Variants in TTC23 observed in about 807,000 individuals in gnomAD.
TTC23 encodes the protein tetratricopeptide repeat protein 23.
In TTC23, 58 loss-of-function variants were observed where a neutral mutation model predicts 55.1. The observed-to-expected ratio is 1.05, with a 90% CI of 0.85 to 1.31. TTC23 has a LOEUF of 1.31. Ranked by LOEUF, TTC23 falls within the 50% of genes most tolerant of loss-of-function variation. The probability of loss-of-function intolerance (pLI) is 0.00; values close to 1 mark genes in which losing one functional copy is unlikely to be tolerated. For synonymous variants in TTC23, 203 were observed against 199.9 expected, an observed-to-expected ratio of 1.02 and a Z score of -0.13; for missense variants, 516 against 534.4, an observed-to-expected ratio of 0.97 and a Z score of 0.34.
chr15:99,213,384 C>T (rs1397756860), intron 8 of TTC23, among the ~76,000 whole-genome samples: 1 of 152,160 alleles, frequency 6.6e-6, no homozygotes. Context: ...GTACAGGGCC[C>T]GCCATCTGCT....
chr15:99,155,242 A>G (rs1407027100), intron 12 of TTC23: 1 of 152,216 alleles, frequency 6.6e-6, no homozygotes, highest in Non-Finnish European at 1.5e-5. Flanking sequence ...ACTTAATAAG[A>G]AATATACAAA....
rs569490683 is a variant in TTC23, at chr15:99,234,752, C to A, written c.-21+236G>T. Among the ~76,000 whole-genome samples, 176 of 152,190 alleles carry A rather than the reference C, an allele frequency of 1.2e-3. 1 individual carries two copies. The highest frequency in any genetic ancestry group is 3.4e-3 in the Middle Eastern group (1 of 294). On this transcript the variant is annotated intron_variant, in intron 4 of 13. Transcript: ENST00000394132. ...AAATAAGCACATGCTTTATATTCAA[C>A]ATTATTAGGCATCAGGGAAATGCAA...
intron 9 of TTC23, among the ~76,000 whole-genome samples, chr15:99,194,341 C>T (rs947731060): frequency 6.6e-6 from 1 of 151,838 alleles, no homozygotes; most frequent in Non-Finnish European, 1.5e-5. Context: ...TGATACTACC[C>T]AACTTGAAGA....
At chr15:99,155,305 G>A (rs1173749629) in intron 12 of TTC23, 1 of 152,194 alleles carries the variant, frequency 6.6e-6, no homozygotes, top group Non-Finnish European at 1.5e-5. Flanking sequence ...AAGTAGGAAT[G>A]AAGAAATGGA....
intron 12 of TTC23, chr15:99,155,749 A>G (rs1184847834): frequency 4.6e-6 from 1 of 218,392 alleles, no homozygotes; most frequent in African/African-American, 2.3e-5. Flanking sequence ...ATTTGGAAAA[A>G]AGGTAAGATT....
chr15:99,192,612 T>A (rs919083142), intron 9 of TTC23, among the ~76,000 whole-genome samples: 6 of 152,218 alleles, frequency 3.9e-5, no homozygotes, highest in African/African-American at 1.4e-4. Context: ...AATGCCTGGA[T>A]GCCCAAGCAG....
At chr15:99,138,805 CCT>C (rs1255101220) in intron 13 of TTC23, among the ~76,000 whole-genome samples, 8 of 152,180 alleles carry the variant, frequency 5.3e-5, no homozygotes, top group African/African-American at 1.7e-4. Flanking sequence ...GGGCTGTGGC[CCT>C]GTTTCCCTGA....
At chr15:99,161,902 GCT>G (rs766981964) in intron 10 of TTC23, 35 bp from the exon 11 acceptor site, 7 of 1,570,172 alleles carry the variant, frequency 4.5e-6, no homozygotes, top group Non-Finnish European at 6.0e-6. Flanking sequence ...TTTGAAAACT[GCT>G]CACAGATTTG....
chr15:99,168,306 G>A (rs893773158), intron 10 of TTC23, among the ~76,000 whole-genome samples: 6 of 152,144 alleles, frequency 3.9e-5, no homozygotes, highest in African/African-American at 7.2e-5. Context: ...TATGCAGAGT[G>A]CCCACACAGG....
chr15:99,152,656 C>T (rs1476326138), intron 12 of TTC23, among the ~76,000 whole-genome samples: 1 of 152,132 alleles, frequency 6.6e-6, no homozygotes, highest in South Asian at 2.1e-4. Flanking sequence ...CAGGCATGAA[C>T]CACCACGCCT....
intron 5 of TTC23, 159 bp downstream of exon 5, chr15:99,228,374 T>C: frequency 1.8e-6 from 1 of 553,056 alleles, no homozygotes; most frequent in Non-Finnish European, 3.0e-6. Flanking sequence ...AGCCTAGAGG[T>C]ACTGCATTCA....
At chr15:99,150,731 C>A (rs954960908) in intron 12 of TTC23, among the ~76,000 whole-genome samples, 1 of 152,186 alleles carries the variant, frequency 6.6e-6, no homozygotes, top group African/African-American at 2.4e-5. Context: ...GAGGGCCACA[C>A]AAAAGCAGGT....
At chr15:99,188,558 A>C (rs2074942694) in intron 9 of TTC23, among the ~76,000 whole-genome samples, 1 of 152,092 alleles carries the variant, frequency 6.6e-6, no homozygotes. Context: ...TGTCATAAAC[A>C]AAGGGGCAAT....
In TTC23 at chr15:99,166,581, C is replaced by T. The variant is rs57528063; in HGVS notation, c.866-4714G>A. Among the ~76,000 whole-genome samples the T allele has an allele frequency of 2.9e-3, 436 of 152,274 alleles. 3 individuals are homozygous for T. The highest frequency in any genetic ancestry group is 9.8e-3 in the African/African-American group (407 of 41,546). On this transcript the variant is annotated intron_variant, in intron 10 of 13. Transcript: ENST00000394132. ...GTGTATTCCTTACATGAAGGCAACGCGGCTATCAAAGTGACAGAAGGCCAG... is the reference window on the plus strand; with the variant it reads ...GTGTATTCCTTACATGAAGGCAACGTGGCTATCAAAGTGACAGAAGGCCAG...
intron 11 of TTC23, among the ~76,000 whole-genome samples, 184 bp from the exon 12 acceptor site, chr15:99,156,481 A>G (rs933176351): frequency 1.3e-5 from 2 of 152,244 alleles, no homozygotes; most frequent in African/African-American, 2.4e-5. Flanking sequence ...TATAAAGCCA[A>G]GAAGTTTAAT....
At position 99,199,923 on chromosome 15, in the gene TTC23, A is replaced by C. The variant is rs201223466; in HGVS notation, c.755T>G (p.Leu252Arg). Residue 252 changes from leucine to arginine, a missense_variant, in exon 9 of 14, where the codon CTC becomes CGC. Physicochemically the swap from Leu to Arg is moderately radical, Grantham distance 102. Coordinates refer to ENST00000394132, the MANE Select transcript of TTC23 (RefSeq NM_001288615.3). ...AGCCAGGACCTTGTAGCTTACCTGG[A>C]GGAAGTGGTTGATGGATACATCGTG... ...GLHDVSINHF[L>R]QAHLIILSRS... 6 of 1,610,620 alleles carry C rather than the reference A, an allele frequency of 3.7e-6. No homozygotes were observed. The African/African-American group carries it at 6.7e-5, about 18-fold the overall frequency.
At chr15:99,145,522 G>A (rs2068741121) in intron 12 of TTC23, among the ~76,000 whole-genome samples, 1 of 145,992 alleles carries the variant, frequency 6.8e-6, no homozygotes, top group East Asian at 2.2e-4. Context: ...GAGTCGGCAG[G>A]TGAAAAACAA....
intron 9 of TTC23, among the ~76,000 whole-genome samples, chr15:99,177,201 C>T (rs1001752336): frequency 6.6e-6 from 1 of 152,232 alleles, no homozygotes; most frequent in Non-Finnish European, 1.5e-5. Context: ...GTTGGGGCTA[C>T]TCCAAAATAA....
At chr15:99,227,453 T>G (rs911889606) in intron 5 of TTC23, among the ~76,000 whole-genome samples, 1 of 152,170 alleles carries the variant, frequency 6.6e-6, no homozygotes, top group African/African-American at 2.4e-5. Flanking sequence ...ACTGCAAATA[T>G]CCTCCTAACT....
Sources: gnomAD v4.1 joint callset for allele counts (sites outside exome capture counted in the v4.1 genomes callset) on GRCh38, gnomAD v4.1.1 for gene constraint, MANE v1.5 for transcripts, NCBI Gene and HGNC (gene_info 2026-07-23, HGNC 2026-07-21) for gene names.